Variants in CHRM2 observed in about 807,000 individuals in gnomAD.
CHRM2 encodes muscarinic acetylcholine receptor M2.
Under a neutral mutation model 25.0 loss-of-function variants are expected in CHRM2, and 8 were observed. The observed-to-expected ratio is 0.32, with a 90% confidence interval of 0.19 to 0.58. The LOEUF is 0.58. CHRM2 is among the 20% of genes least tolerant of loss of function. The pLI is 0.88. For synonymous variants in CHRM2, 202 were observed against 205.7 expected (o/e 0.98, Z 0.15); for missense variants, 440 against 567.1 (o/e 0.78, Z 2.28).
chr7:136,936,508 G>A (rs368661606), intron 2 of CHRM2, among the ~76,000 whole-genome samples: 1 of 152,240 alleles, frequency 6.6e-6, no homozygotes, highest in African/African-American at 2.4e-5. Flanking sequence ...TGAATGACAT[G>A]ATTGAAACTA....
intron 2 of CHRM2, among the ~76,000 whole-genome samples, chr7:136,909,934 T>C (rs1407882327): frequency 6.6e-6 from 1 of 151,826 alleles, no homozygotes; most frequent in African/African-American, 2.4e-5. Context: ...GAAAAAGTGT[T>C]ATTGGTTGGA....
intron 2 of CHRM2, among the ~76,000 whole-genome samples, chr7:136,934,646 T>C (rs969138080): frequency 6.6e-6 from 1 of 151,992 alleles, no homozygotes; most frequent in African/African-American, 2.4e-5. Flanking sequence ...TCTACCATTT[T>C]CCCAAAGCCC....
intron 2 of CHRM2, chr7:136,870,623 C>T (rs1302793496): frequency 6.6e-6 from 1 of 152,668 alleles, no homozygotes; most frequent in African/African-American, 2.4e-5. Flanking sequence ...AAGGCTCTTG[C>T]ATGTACGGAA....
At chr7:136,874,665 A>G (rs1440678971) in intron 2 of CHRM2, among the ~76,000 whole-genome samples, 1 of 150,832 alleles carries the variant, frequency 6.6e-6, no homozygotes, top group East Asian at 2.0e-4. Context: ...TGGATAGGAC[A>G]AGGACATCCG....
chr7:136,933,269 A>C (rs895937048), intron 2 of CHRM2, among the ~76,000 whole-genome samples: 2 of 152,200 alleles, frequency 1.3e-5, no homozygotes, highest in Admixed American at 6.5e-5. Context: ...ATCGGAACAG[A>C]CATTTCTCCA....
chr7:137,007,743 G>A (rs1804539996), intron 3 of CHRM2, among the ~76,000 whole-genome samples: 1 of 152,070 alleles, frequency 6.6e-6, no homozygotes, highest in Admixed American at 6.6e-5. Flanking sequence ...GGACATTCAA[G>A]ATTGGTAAGG....
At chr7:136,957,466 A>G (rs1278668553) in intron 2 of CHRM2, among the ~76,000 whole-genome samples, 1 of 152,258 alleles carries the variant, frequency 6.6e-6, no homozygotes, top group Non-Finnish European at 1.5e-5. Context: ...AAACACATAA[A>G]CCCACAAAAG....
At chr7:136,918,258 C>G (rs1265122781) in intron 2 of CHRM2, among the ~76,000 whole-genome samples, 1 of 152,084 alleles carries the variant, frequency 6.6e-6, no homozygotes, top group Non-Finnish European at 1.5e-5. Context: ...TTAAAAGAGA[C>G]AGAAAGTTGA....
chr7:136,942,774 T>G (rs1799847629), intron 2 of CHRM2, among the ~76,000 whole-genome samples: 2 of 152,170 alleles, frequency 1.3e-5, no homozygotes, highest in African/African-American at 4.8e-5. Flanking sequence ...ATTTTTCCCT[T>G]GCTTTGCTGG....
At chr7:136,985,795 G>C (rs1802817824) in intron 2 of CHRM2, among the ~76,000 whole-genome samples, 1 of 152,128 alleles carries the variant, frequency 6.6e-6, no homozygotes, top group Non-Finnish European at 1.5e-5. Context: ...TTTCTGGGTT[G>C]TATGGAGTTC....
Position 137,015,911 on chromosome 7 carries a change from C to T in CHRM2, c.1046C>T (p.Ser349Phe), listed in dbSNP as rs866638024. ...PTNTTVEVVGSSGQNGDEKQN... is the reference protein window; with the variant it reads ...PTNTTVEVVGFSGQNGDEKQN... ...AATACCACCGTGGAGGTAGTGGGGT[C>T]TTCAGGTCAGAATGGAGATGAAAAG... The change falls in exon 4 of 4, where the codon TCT (serine) becomes TTT (phenylalanine). Residue 349 changes from serine to phenylalanine, a missense_variant. Ser to Phe is a radical substitution (Grantham distance 155). This residue lies in a region of CHRM2 where 261 missense variants were observed against 261.8 expected (regional missense o/e 1.00). Coordinates refer to ENST00000680005, the MANE Select transcript of CHRM2 (RefSeq NM_001006630.2). The surrounding 1 kb of genome is among the most constrained non-coding windows in gnomAD (Gnocchi z 5.1). The T allele has an allele frequency of 6.2e-7, 1 of 1,613,126 alleles. No homozygotes were observed. Among genetic ancestry groups the T allele is most frequent in the Non-Finnish European group, 8.5e-7 (1 of 1,179,464 alleles).
intron 2 of CHRM2, among the ~76,000 whole-genome samples, chr7:136,923,146 A>T (rs1200408437): frequency 6.6e-6 from 1 of 151,868 alleles, no homozygotes; most frequent in Non-Finnish European, 1.5e-5. Flanking sequence ...TATGGAAGAT[A>T]TTTTCTTTAA....
intron 2 of CHRM2, among the ~76,000 whole-genome samples, chr7:136,924,484 A>G (rs542946902): frequency 1.3e-5 from 2 of 151,320 alleles, no homozygotes; most frequent in African/African-American, 2.4e-5. Flanking sequence ...TCTTTGTGAT[A>G]GTTTGCTGAG....
intron 2 of CHRM2, among the ~76,000 whole-genome samples, chr7:136,890,214 C>T (rs1332831886): frequency 6.6e-6 from 1 of 152,148 alleles, no homozygotes; most frequent in Non-Finnish European, 1.5e-5. Context: ...ACAGTTGTGA[C>T]TTGTATCCTG....
chr7:136,895,846 A>G (rs771209418), intron 2 of CHRM2, among the ~76,000 whole-genome samples: 1 of 152,184 alleles, frequency 6.6e-6, no homozygotes, highest in Non-Finnish European at 1.5e-5. Flanking sequence ...GCTTCAGACC[A>G]TCAGCAAGAT....
chr7:136,875,302 T>C (rs1273700450), intron 2 of CHRM2, among the ~76,000 whole-genome samples: 1 of 152,122 alleles, frequency 6.6e-6, no homozygotes, highest in Non-Finnish European at 1.5e-5. Context: ...CTTACTTACA[T>C]GATTGTGTGA....
chr7:136,948,674 T>C (rs952964750), intron 2 of CHRM2, among the ~76,000 whole-genome samples: 1 of 152,224 alleles, frequency 6.6e-6, no homozygotes, highest in African/African-American at 2.4e-5. Flanking sequence ...TGTTTCTATT[T>C]GGTTAGGAAA....
intron 3 of CHRM2, among the ~76,000 whole-genome samples, chr7:136,996,117 A>AT (rs1273953790): frequency 6.6e-6 from 1 of 151,882 alleles, no homozygotes; most frequent in East Asian, 1.9e-4. Flanking sequence ...TTTTTAAATT[A>AT]TTTTTTAAAA....
intron 2 of CHRM2, among the ~76,000 whole-genome samples, chr7:136,969,819 T>C (rs747808683): frequency 6.6e-6 from 1 of 152,208 alleles, no homozygotes; most frequent in African/African-American, 2.4e-5. Context: ...CCACTGGCTA[T>C]GGGATGAAGT....
Sources: gnomAD v4.1 joint callset for allele counts (sites outside exome capture counted in the v4.1 genomes callset) on GRCh38, gnomAD v4.1.1 for gene constraint, gnomAD v4.1.1 regional missense constraint, Gnocchi (gnomAD v3.1) non-coding constraint, MANE v1.5 for transcripts, NCBI Gene and HGNC (gene_info 2026-07-23, HGNC 2026-07-21) for gene names.